Variants in MYO1H observed in about 807,000 individuals in gnomAD.
MYO1H encodes unconventional myosin-Ih.
A neutral mutation model predicts 149.3 loss-of-function variants in MYO1H; 118 were observed. The observed-to-expected ratio is 0.79, with a 90% CI of 0.68 to 0.92. The LOEUF is 0.92. Ranked by LOEUF, MYO1H falls within the 40% of genes least tolerant of loss-of-function variation. The pLI is 0.00. For missense variants in MYO1H, 1,212 were observed against 1,280.7 expected, an observed-to-expected ratio of 0.95 and a Z score of 0.82; for synonymous variants, 447 against 465.2, an observed-to-expected ratio of 0.96 and a Z score of 0.50.
rs148795453 is a variant in MYO1H, at chr12:109,430,741, C to T, written c.1950-2156C>T. On this transcript the variant is annotated intron_variant, in intron 19 of 31. Coordinates refer to ENST00000310903, the Ensembl canonical transcript of MYO1H. Reference sequence around the variant, plus strand: ...AGGAGCTTGAAACCAGCCTGGCCAACGTGGAGAAACCCTGTCTCTACTAAA... The same window carrying T: ...AGGAGCTTGAAACCAGCCTGGCCAATGTGGAGAAACCCTGTCTCTACTAAA... Among the ~76,000 whole-genome samples, 354 of 151,938 alleles carry T rather than the reference C, an allele frequency of 2.3e-3. 6 individuals carry two copies. Among genetic ancestry groups the T allele is most frequent in the African/African-American group, 8.2e-3 (341 of 41,422 alleles).
intron 1 of MYO1H, among the ~76,000 whole-genome samples, chr12:109,361,807 G>A (rs1868756965): frequency 1.1e-5 from 1 of 90,944 alleles, no homozygotes; most frequent in Admixed American, 1.9e-4. Flanking sequence ...GCAAGACCTT[G>A]TCTCACAAAA....
At chr12:109,425,922 CT>C in intron 17 of MYO1H, 23 bp from the exon 18 acceptor site, 1 of 1,554,198 alleles carries the variant, frequency 6.4e-7, no homozygotes, top group Non-Finnish European at 8.9e-7. Flanking sequence ...CTCGTTCTCT[CT>C]CTCTTTCTCT....
At chr12:109,327,478 G>A in the MYO1H span, among the ~76,000 whole-genome samples, 4 of 151,658 alleles carry the variant, frequency 2.6e-5, no homozygotes, top group South Asian at 2.1e-4. Flanking sequence ...GGCTGGGTGC[G>A]ACGGCTCACG....
At chr12:109,439,988 G>A (rs2135599712) in intron 24 of MYO1H, among the ~76,000 whole-genome samples, 198 bp downstream of exon 24, 1 of 151,980 alleles carries the variant, frequency 6.6e-6, no homozygotes, top group East Asian at 1.9e-4. Flanking sequence ...AGCCACTGGA[G>A]TGTCCTTAGT....
chr12:109,326,318 G>A, the MYO1H span, among the ~76,000 whole-genome samples: 1 of 151,744 alleles, frequency 6.6e-6, no homozygotes, highest in African/African-American at 2.4e-5. Context: ...TCCCTTCTTG[G>A]TCTTTCTTCT....
At chr12:109,369,505 T>C (rs1868937896) in intron 1 of MYO1H, among the ~76,000 whole-genome samples, 1 of 152,176 alleles carries the variant, frequency 6.6e-6, no homozygotes, top group African/African-American at 2.4e-5. Context: ...CTTTTCAGAC[T>C]GTTTGACGCT....
intron 1 of MYO1H, among the ~76,000 whole-genome samples, chr12:109,371,511 C>G (rs1266820209): frequency 6.6e-6 from 1 of 152,124 alleles, no homozygotes; most frequent in Non-Finnish European, 1.5e-5. Flanking sequence ...AGCCACCATG[C>G]CCAGCCTTGT....
At chr12:109,339,408 T>A in the MYO1H span, among the ~76,000 whole-genome samples, 3 of 152,200 alleles carry the variant, frequency 2.0e-5, no homozygotes, top group Non-Finnish European at 4.4e-5. Context: ...ACTTTTAAGC[T>A]ATTGTTATGC....
chr12:109,406,892 C>A (rs375421716), intron 9 of MYO1H, 32 bp downstream of exon 9: 3 of 1,592,064 alleles, frequency 1.9e-6, no homozygotes, highest in African/African-American at 1.3e-5. Context: ...AATGTGCCAG[C>A]CCTCCCTGCT....
intron 1 of MYO1H, among the ~76,000 whole-genome samples, chr12:109,348,852 A>G (rs1868396156): frequency 6.6e-6 from 1 of 152,198 alleles, no homozygotes. Flanking sequence ...ATGTAGTTAG[A>G]ATAATTTCGT....
intron 1 of MYO1H, among the ~76,000 whole-genome samples, chr12:109,377,098 C>T (rs1418666731): frequency 6.6e-6 from 1 of 152,204 alleles, no homozygotes; most frequent in East Asian, 1.9e-4. Flanking sequence ...AGTTTCAAAA[C>T]ATTTCCATCA....
the MYO1H span, among the ~76,000 whole-genome samples, chr12:109,323,061 C>T: frequency 1.4e-4 from 22 of 152,218 alleles, no homozygotes; most frequent in Non-Finnish European, 2.5e-4. Flanking sequence ...GAACTGAGAT[C>T]ACGCCACTGC....
chr12:109,409,246 C>CTTTTTTTTTT (rs66507410), intron 10 of MYO1H, among the ~76,000 whole-genome samples: 75 of 47,856 alleles, frequency 1.6e-3, no homozygotes, highest in Middle Eastern at 0.012. Flanking sequence ...TCTTCTTCTT[C>CTTTTTTTTTT]TTTTTTTTTT....
exon 32 of MYO1H, chr12:109,447,880 T>C (rs1872551725): frequency 6.6e-6 from 1 of 152,438 alleles, no homozygotes; most frequent in South Asian, 2.1e-4. Flanking sequence ...CAAATTTTAT[T>C]GTAAAATAAA....
intron 31 of MYO1H, 121 bp from the exon 32 acceptor site, chr12:109,447,038 C>G (rs535370558): frequency 2.0e-6 from 2 of 980,308 alleles, no homozygotes; most frequent in South Asian, 1.4e-5. Context: ...GGAGGTGGCA[C>G]TGGCTTCTCA....
At chr12:109,378,315 T>A (rs115444883) in intron 1 of MYO1H, among the ~76,000 whole-genome samples, 15,718 of 151,650 alleles carry the variant, frequency 0.1, 1,148 homozygotes, top group African/African-American at 0.2. Context: ...TTTTTTTCTT[T>A]TTTATTTATT....
chr12:109,411,991 T>C lies in MYO1H; in HGVS notation c.1502+6T>C. 2 of 1,564,554 alleles carry C rather than the reference T, an allele frequency of 1.3e-6. No individual in the cohort carries two copies. The highest frequency in any genetic ancestry group is 1.7e-6 in the Non-Finnish European group (2 of 1,153,864). On this transcript the variant is annotated splice_donor_region_variant and intron_variant, in intron 14 of 31. Transcript: ENST00000310903. ...AAACATGCACACTTCGAAACGTACA[T>C]ACTTTATTTTACCAGATTTTGCATG...
chr12:109,427,755 C>A (rs1236374870), intron 19 of MYO1H, among the ~76,000 whole-genome samples, 169 bp downstream of exon 19: 1 of 148,940 alleles, frequency 6.7e-6, no homozygotes, highest in East Asian at 2.0e-4. Flanking sequence ...ACATAAAAAC[C>A]CAACTCTGGC....
the MYO1H span, among the ~76,000 whole-genome samples, chr12:109,340,973 G>C: frequency 1.1e-3 from 169 of 152,212 alleles, 1 homozygote; most frequent in African/African-American, 3.9e-3. Flanking sequence ...GATCACTTGA[G>C]GTCAGGAGTT....
Sources: allele counts gnomAD v4.1 joint callset (sites outside exome capture counted in the v4.1 genomes callset), GRCh38; gene constraint gnomAD v4.1.1; transcripts MANE v1.5; gene names NCBI Gene and HGNC (gene_info 2026-07-23, HGNC 2026-07-21).